TMEM135: variants seen among roughly 807,000 people sequenced by gnomAD.
TMEM135 encodes peroxisomal membrane protein 52.
In TMEM135, 30 loss-of-function variants were observed where a neutral mutation model predicts 60.3. The ratio of observed to expected loss-of-function variants is 0.50; its 90% CI spans 0.37 to 0.68. The LOEUF is 0.68. Among genes scored for constraint, TMEM135 ranks in the 30% least tolerant of loss-of-function variants. The pLI is 0.00. For missense variants in TMEM135, 468 were observed against 548.8 expected, an observed-to-expected ratio of 0.85 and a Z score of 1.47; for synonymous variants, 190 against 186.7, an observed-to-expected ratio of 1.02 and a Z score of -0.14.
intron 5 of TMEM135, among the ~76,000 whole-genome samples, chr11:87,162,158 C>T (rs141567417): frequency 6.6e-6 from 1 of 151,534 alleles, no homozygotes; most frequent in East Asian, 1.9e-4. Flanking sequence ...AAGTGGGGTT[C>T]AATTAATTCA....
Position 87,275,908 on chromosome 11 carries a change from C to T in TMEM135, c.510-19874C>T, listed in dbSNP as rs184631294. ...AACTCCTGACCTCAGGTGATCCGCC[C>T]GTCTAGGCCTCCCAAAGTGCTGGAA... is the stretch of plus-strand genomic sequence containing the variant. On this transcript the variant is annotated intron_variant, in intron 6 of 14. Transcript: ENST00000305494. Among the ~76,000 whole-genome samples the T allele has an allele frequency of 1.4e-3, 216 of 152,164 alleles. 1 individual carries two copies. Among genetic ancestry groups the T allele is most frequent in the African/African-American group, 4.9e-3 (203 of 41,514 alleles).
At chr11:87,166,316 G>A (rs1166296832) in intron 5 of TMEM135, among the ~76,000 whole-genome samples, 2 of 151,498 alleles carry the variant, frequency 1.3e-5, no homozygotes, top group African/African-American at 4.9e-5. Context: ...TTAATTTGAT[G>A]CTATTTTCAA....
chr11:87,066,873 C>T (rs772501342), intron 1 of TMEM135, among the ~76,000 whole-genome samples: 4 of 150,530 alleles, frequency 2.7e-5, no homozygotes, highest in Admixed American at 1.3e-4. Flanking sequence ...CTCCGCCTCC[C>T]GGGTTCAAGC....
chr11:87,306,049 G>T, intron 9 of TMEM135, 44 bp downstream of exon 9: 2 of 1,116,792 alleles, frequency 1.8e-6, no homozygotes, highest in South Asian at 1.9e-5. Context: ...TAGGGAATGG[G>T]TATAGAAATT....
chr11:87,233,776 T>C (rs1565495504), intron 5 of TMEM135, among the ~76,000 whole-genome samples: 1 of 152,048 alleles, frequency 6.6e-6, no homozygotes, highest in African/African-American at 2.4e-5. Flanking sequence ...GAATGTAAGA[T>C]ACAGCTAGCT....
chr11:87,094,158 G>C lies in TMEM135; in HGVS notation c.396+2763G>C, dbSNP rs112814200. Among the ~76,000 whole-genome samples, 516 of 152,112 alleles carry C rather than the reference G, an allele frequency of 3.4e-3. 5 individuals carry two copies. Among genetic ancestry groups the C allele is most frequent in the African/African-American group, 0.012 (491 of 41,504 alleles). The stretch of plus-strand genomic sequence containing the variant: ...ATAATAGACTCTGGGTTTTTAATTG[G>C]TCGTGAAACTTTGATTGCTTTGGTG... On this transcript the variant is annotated intron_variant, in intron 4 of 14. Coordinates refer to ENST00000305494, the MANE Select transcript of TMEM135 (RefSeq NM_022918.4).
At chr11:87,218,015 C>T (rs1346858284) in intron 5 of TMEM135, among the ~76,000 whole-genome samples, 1 of 151,974 alleles carries the variant, frequency 6.6e-6, no homozygotes, top group Non-Finnish European at 1.5e-5. Flanking sequence ...GCAGTAATTC[C>T]AACTGGGGGC....
chr11:87,188,055 C>A (rs1939696455), intron 5 of TMEM135, among the ~76,000 whole-genome samples: 1 of 152,072 alleles, frequency 6.6e-6, no homozygotes, highest in Non-Finnish European at 1.5e-5. Flanking sequence ...CTTACAAGTT[C>A]AGTGTTGAAC....
chr11:87,310,210 C>T (rs1177150878), intron 10 of TMEM135, among the ~76,000 whole-genome samples: 1 of 152,102 alleles, frequency 6.6e-6, no homozygotes, highest in African/African-American at 2.4e-5. Flanking sequence ...CAGTCTTCCA[C>T]CCCATTCTGT....
At chr11:87,077,043 A>G (rs1051238658) in intron 3 of TMEM135, among the ~76,000 whole-genome samples, 1 of 152,198 alleles carries the variant, frequency 6.6e-6, no homozygotes, top group Non-Finnish European at 1.5e-5. Flanking sequence ...GTTTGTTCCC[A>G]TGTATAGAGT....
At chr11:87,274,997 CT>C (rs532663840) in intron 6 of TMEM135, among the ~76,000 whole-genome samples, 6 of 151,190 alleles carry the variant, frequency 4.0e-5, no homozygotes, top group Non-Finnish European at 7.4e-5. Flanking sequence ...ATTTTAACTT[CT>C]TTTTTTGTTT....
chr11:87,138,778 T>A (rs1337617540), intron 4 of TMEM135, among the ~76,000 whole-genome samples: 1 of 152,234 alleles, frequency 6.6e-6, no homozygotes, highest in African/African-American at 2.4e-5. Context: ...AGAGCACTCA[T>A]CTGCAAGTAA....
At chr11:87,203,032 CAAAAAAAA>C (rs534909524) in intron 5 of TMEM135, among the ~76,000 whole-genome samples, 165 of 33,592 alleles carry the variant, frequency 4.9e-3, no homozygotes, top group Middle Eastern at 0.023. Flanking sequence ...GACTCCGTCT[CAAAAAAAA>C]AAAAAAAAAA....
At chr11:87,109,815 A>T (rs1281482439) in intron 4 of TMEM135, among the ~76,000 whole-genome samples, 2 of 131,950 alleles carry the variant, frequency 1.5e-5, no homozygotes, top group African/African-American at 6.2e-5. Flanking sequence ...GAAATAATTT[A>T]AAAGCACCAA....
In TMEM135 at chr11:87,324,542, C is replaced by T. The variant is rs1942884673; in HGVS notation, c.*3209C>T. 3 of 452,892 alleles carry T rather than the reference C, an allele frequency of 6.6e-6. No homozygotes were observed. Among genetic ancestry groups the T allele is most frequent in the African/African-American group, 2.0e-5 (1 of 49,848 alleles). The allele number at this position is 452,892 out of a possible 1,614,324, so 28.1% of individuals were successfully genotyped here. ...GTTCAAGCAATTATTTCCCCTCAGT[C>T]TCTAATAGCTGGGACAACAGGCATG... On this transcript the variant is annotated 3_prime_UTR_variant, in exon 15 of 15. Transcript: ENST00000305494.
At chr11:87,263,534 G>A (rs301603) in intron 6 of TMEM135, among the ~76,000 whole-genome samples, 89,101 of 151,928 alleles carry the variant, frequency 0.59, 26,509 homozygotes, top group Non-Finnish European at 0.63. Flanking sequence ...TGATTCTTAC[G>A]TATTAAAAGT....
At chr11:87,283,939 ATGTT>A (rs1942115461) in intron 6 of TMEM135, among the ~76,000 whole-genome samples, 1 of 149,462 alleles carries the variant, frequency 6.7e-6, no homozygotes, top group Admixed American at 6.8e-5. Flanking sequence ...ATTTTTCACT[ATGTT>A]TGTAGAAGGG....
intron 6 of TMEM135, among the ~76,000 whole-genome samples, chr11:87,256,270 A>G (rs1180534451): frequency 6.6e-6 from 1 of 152,218 alleles, no homozygotes; most frequent in Non-Finnish European, 1.5e-5. Context: ...CTCAGTTTTA[A>G]TTACAACTAA....
chr11:87,099,074 C>G (rs762340406), intron 4 of TMEM135, among the ~76,000 whole-genome samples: 4 of 152,168 alleles, frequency 2.6e-5, no homozygotes, highest in Non-Finnish European at 4.4e-5. Context: ...TGCCTGCACG[C>G]TAGCATACAT....
Sources: gnomAD v4.1 joint callset for allele counts (sites outside exome capture counted in the v4.1 genomes callset) on GRCh38, gnomAD v4.1.1 for gene constraint, MANE v1.5 for transcripts, NCBI Gene and HGNC (gene_info 2026-07-23, HGNC 2026-07-21) for gene names.